CPNE7: variants seen among roughly 807,000 people sequenced by gnomAD.
CPNE7 encodes copine 7.
CPNE7 carries 78 observed loss-of-function variants against 66.5 expected under a neutral mutation model. The ratio of observed to expected loss-of-function variants is 1.17; its 90% confidence interval spans 0.98 to 1.42. The LOEUF is 1.42. Ranked by LOEUF, CPNE7 falls within the 40% of genes most tolerant of loss-of-function variation. The probability of loss-of-function intolerance (pLI) is 0.00; values close to 1 mark genes in which losing one functional copy is unlikely to be tolerated. For synonymous variants in CPNE7, 468 were observed against 336.7 expected (o/e 1.39, Z -4.27); for missense variants, 1,012 against 776.6 (o/e 1.30, Z -3.60).
At position 89,589,590 on chromosome 16, in the gene CPNE7, T is replaced by G. The variant is rs539737062; in HGVS notation, c.1062-307T>G. On this transcript the variant is annotated intron_variant, in intron 10 of 14. Coordinates refer to ENST00000319518, the MANE Select transcript of CPNE7 (RefSeq NM_153636.3). ...GTTGGTGAGGGCCACAGTGGGTTCC[T>G]TGGCCCCACAGGACCCCTCCCGTGG... Among the ~76,000 whole-genome samples the G allele has an allele frequency of 7.9e-5, 12 of 152,260 alleles. No homozygotes were observed. In the East Asian group the frequency reaches 2.3e-3, roughly 30 times the overall value.
Position 89,595,536 on chromosome 16 carries a change from G to T in CPNE7, c.1472G>T (p.Arg491Leu), listed in dbSNP as rs749725040. 2 of 1,612,528 alleles carry T rather than the reference G, an allele frequency of 1.2e-6. No homozygotes were observed. Among genetic ancestry groups the T allele is most frequent in the Admixed American group, 3.3e-5 (2 of 60,012 alleles). ...CTGGACGGCGACGACGGCGTCCTGCGCTCCCCACGGGGTGAGCCCGCGCTC... is the reference window on the plus strand; with the variant it reads ...CTGGACGGCGACGACGGCGTCCTGCTCTCCCCACGGGGTGAGCCCGCGCTC... ...QVLDGDDGVL[R>L]SPRGEPALRD... The change falls in exon 14 of 15, where the codon CGC becomes CTC. Residue 491 changes from arginine to leucine, a missense_variant. Coordinates refer to ENST00000319518, the MANE Select transcript of CPNE7 (RefSeq NM_153636.3).
rs2059164707 is a variant in CPNE7, at chr16:89,591,261, G to C, written c.1302+1G>C. The C allele has an allele frequency of 1.3e-6, 2 of 1,572,900 alleles. No homozygotes were observed. Among genetic ancestry groups the C allele is most frequent in the Non-Finnish European group, 8.6e-7 (1 of 1,159,748 alleles). ...CGAGGAGAGCACCGGGAAAGCCTCTGTAGGTGCCCGGGGGGTGTGGTGCAT... is the reference window on the plus strand; with the variant it reads ...CGAGGAGAGCACCGGGAAAGCCTCTCTAGGTGCCCGGGGGGTGTGGTGCAT... On this transcript the variant is annotated splice_donor_variant, in intron 13 of 14. Transcript: ENST00000319518. LOFTEE classifies it high-confidence loss of function.
intron 9 of CPNE7, among the ~76,000 whole-genome samples, chr16:89,588,037 C>T (rs370897473): frequency 0.021 from 113 of 5,432 alleles, 8 homozygotes; most frequent in Non-Finnish European, 0.062. Flanking sequence ...CCCCCCGTGT[C>T]ACCCGCGTGT....
In CPNE7 at chr16:89,592,175, A is replaced by ATT. The variant is rs372508407; in HGVS notation, c.1302+926_1302+927dup. On this transcript the variant is annotated intron_variant, in intron 13 of 14. Coordinates refer to ENST00000319518, the MANE Select transcript of CPNE7 (RefSeq NM_153636.3). The stretch of plus-strand genomic sequence containing the variant: ...AGGCGCCCACCATCATGCCCGGCTA[A>ATT]TTTTTTTTTTTTGTATTTTTAGTAG... Among the ~76,000 whole-genome samples the ATT allele has an allele frequency of 1.9e-3, 258 of 138,224 alleles. 4 individuals carry two copies. Among genetic ancestry groups the ATT allele is most frequent in the Middle Eastern group, 4.0e-3 (1 of 250 alleles). 90.7% of individuals were successfully genotyped at this position (138,224 alleles called of 152,430 possible).
chr16:89,594,642 CTTTTTTTTT>C (rs57032352), intron 13 of CPNE7, among the ~76,000 whole-genome samples: 2,093 of 86,692 alleles, frequency 0.024, 65 homozygotes, highest in African/African-American at 0.084. Context: ...TCCATTCTGC[CTTTTTTTTT>C]TTTTTTTTTT....
intron 2 of CPNE7, among the ~76,000 whole-genome samples, chr16:89,582,355 G>T (rs200615569): frequency 6.6e-6 from 1 of 152,236 alleles, no homozygotes. Flanking sequence ...CAGCGATCTC[G>T]TATTTCCTGG....
At chr16:89,589,067 G>C (rs1319956205) in intron 10 of CPNE7, among the ~76,000 whole-genome samples, 2 of 152,200 alleles carry the variant, frequency 1.3e-5, no homozygotes, top group Non-Finnish European at 2.9e-5. Flanking sequence ...CGAGGCGGGT[G>C]GATCACCTGA....
In CPNE7 at chr16:89,584,944, G is replaced by C; in HGVS notation, c.591+87G>C. ...TCTGGCCACATGGGAGGAGCTCCCA[G>C]CCTCCAACAGGGAGCTGTGGGCGCA... On this transcript the variant is annotated intron_variant, in intron 5 of 14. Coordinates refer to ENST00000319518, the MANE Select transcript of CPNE7 (RefSeq NM_153636.3). The surrounding 1 kb of genome is among the most constrained non-coding windows in gnomAD (Gnocchi z 6.0). 1 of 1,188,772 alleles carries C rather than the reference G, an allele frequency of 8.4e-7. No homozygotes were observed. The highest frequency in any genetic ancestry group is 1.2e-6 in the Non-Finnish European group (1 of 812,008). The allele number at this position is 1,188,772 out of a possible 1,614,324, so 73.6% of individuals were successfully genotyped here.
intron 13 of CPNE7, among the ~76,000 whole-genome samples, chr16:89,593,060 C>T (rs1446638821): frequency 6.6e-6 from 1 of 151,862 alleles, no homozygotes; most frequent in Non-Finnish European, 1.5e-5. Flanking sequence ...GATCTGCCTG[C>T]CTCAGCCTCC....
intron 2 of CPNE7, among the ~76,000 whole-genome samples, chr16:89,581,310 A>AG (rs1369192085): frequency 2.5e-5 from 3 of 121,582 alleles, no homozygotes; most frequent in South Asian, 2.9e-4. Context: ...CCCGTCACCC[A>AG]TCACACGGAA....
chr16:89,582,363 T>C (rs1360807481), intron 2 of CPNE7, among the ~76,000 whole-genome samples: 1 of 152,256 alleles, frequency 6.6e-6, no homozygotes, highest in Non-Finnish European at 1.5e-5. Flanking sequence ...TCGTATTTCC[T>C]GGTAGGGGAA....
chr16:89,595,340 T>A, intron 13 of CPNE7, 27 bp from the exon 14 acceptor site: 1 of 1,536,720 alleles, frequency 6.5e-7, no homozygotes, highest in Non-Finnish European at 8.8e-7. Context: ...AGGTGTGGTG[T>A]TGCTGATGCC....
chr16:89,575,860 C>T lies in CPNE7; in HGVS notation c.-38C>T, dbSNP rs2058852017. On this transcript the variant is annotated 5_prime_UTR_variant, in exon 1 of 15. Coordinates refer to ENST00000319518, the MANE Select transcript of CPNE7 (RefSeq NM_153636.3). ...CGGCGCCGACTCGCGGGCAGCGGCC[C>T]CTCAGTGCGCCCAGCCGGGCCCCCG... 4 of 1,183,872 alleles carry T rather than the reference C, an allele frequency of 3.4e-6. No individual in the cohort carries two copies. The highest frequency in any genetic ancestry group is 4.2e-6 in the Non-Finnish European group (4 of 957,338). The allele number at this position is 1,183,872 out of a possible 1,614,324, so 73.3% of individuals were successfully genotyped here.
intron 13 of CPNE7, among the ~76,000 whole-genome samples, chr16:89,592,307 C>T (rs1018622408): frequency 6.6e-6 from 1 of 151,682 alleles, no homozygotes; most frequent in African/African-American, 2.4e-5. Context: ...AGCCGCCGCG[C>T]CCGGCCCAAA....
At position 89,596,797 on chromosome 16, in the gene CPNE7, C is replaced by A; in HGVS notation, c.*176C>A. 2.5e-6 allele frequency: 2 copies of A among 802,230 alleles called. No individual in the cohort carries two copies. Among genetic ancestry groups the A allele is most frequent in the Non-Finnish European group, 3.6e-6 (2 of 560,380 alleles). 49.7% of individuals were successfully genotyped at this position (802,230 alleles called of 1,614,324 possible). Reference sequence around the variant, plus strand: ...GGCTTGGGCCCGGCTCTGGGGCCCCCAAGGCCGAAGGGTGACAAAATACAG... The same window carrying A: ...GGCTTGGGCCCGGCTCTGGGGCCCCAAAGGCCGAAGGGTGACAAAATACAG... On this transcript the variant is annotated 3_prime_UTR_variant, in exon 15 of 15. Coordinates refer to ENST00000319518, the MANE Select transcript of CPNE7 (RefSeq NM_153636.3).
chr16:89,585,776 G>T lies in CPNE7; in HGVS notation c.771G>T (p.Glu257Asp). The change falls in exon 7 of 15, where the codon GAG becomes GAT. Residue 257 changes from glutamate to aspartate, a missense_variant. By Grantham distance (45) the Glu-to-Asp change is conservative. Coordinates refer to ENST00000319518, the MANE Select transcript of CPNE7 (RefSeq NM_153636.3). ...TCGAGGAGATGCAGAAGGCCTTTGA[G>T]GAGGGGCAGGTGAGCAGGACGGGGT... ...TTFEEMQKAF[E>D]EGQAQWDCVN... 2 of 1,537,466 alleles carry T rather than the reference G, an allele frequency of 1.3e-6. No homozygotes were observed. The highest frequency in any genetic ancestry group is 1.8e-6 in the Non-Finnish European group (2 of 1,142,820).
In CPNE7 at chr16:89,591,265, GT is replaced by G; in HGVS notation, c.1302+6del. On this transcript the variant is annotated splice_donor_region_variant and intron_variant, in intron 13 of 14. Coordinates refer to ENST00000319518, the MANE Select transcript of CPNE7 (RefSeq NM_153636.3). The stretch of plus-strand genomic sequence containing the variant: ...GAGAGCACCGGGAAAGCCTCTGTAG[GT>G]GCCCGGGGGGTGTGGTGCATGCTTG... 6.4e-7 allele frequency: 1 copy of G among 1,567,944 alleles called. No individual in the cohort carries two copies. The highest frequency in any genetic ancestry group is 1.8e-5 in the Admixed American group (1 of 54,324).
intron 13 of CPNE7, among the ~76,000 whole-genome samples, chr16:89,594,452 A>G (rs2059220814): frequency 6.6e-6 from 1 of 151,996 alleles, no homozygotes; most frequent in Admixed American, 6.6e-5. Flanking sequence ...CGTTTCCAGG[A>G]CACATCTGCC....
At chr16:89,590,094 C>T in intron 11 of CPNE7, 143 bp downstream of exon 11, 1 of 945,652 alleles carries the variant, frequency 1.1e-6, no homozygotes, top group Non-Finnish European at 1.6e-6. Flanking sequence ...AGCGGGAACC[C>T]CAGCCTTCTA....
Sources: allele counts gnomAD v4.1 joint callset (sites outside exome capture counted in the v4.1 genomes callset), GRCh38; gene constraint gnomAD v4.1.1; non-coding constraint Gnocchi (gnomAD v3.1); transcripts MANE v1.5; gene names NCBI Gene and HGNC (gene_info 2026-07-23, HGNC 2026-07-21).